NRK: variants seen among roughly 807,000 people sequenced by gnomAD.
NRK encodes Nik related kinase.
A neutral mutation model predicts 125.2 loss-of-function variants in NRK; 67 were observed. That is an observed-to-expected ratio of 0.54 (90% confidence interval 0.44 to 0.66). The LOEUF is 0.66. Ranked by LOEUF, NRK falls within the 30% of genes least tolerant of loss-of-function variation. The pLI is 0.00. For synonymous variants in NRK, 458 were observed against 429.0 expected (o/e 1.07, Z -0.84); for missense variants, 1,224 against 1,192.9 (o/e 1.03, Z -0.38).
chrX:105,895,175 A>G (rs2040064625), intron 6 of NRK: 1 of 504,297 alleles, frequency 2.0e-6, no homozygotes, highest in Non-Finnish European at 3.5e-6. Context: ...CAATGTATAC[A>G]AACATTACTT....
rs2041005326 is a variant in NRK at position 105,958,504 on chromosome X, A to G, written c.*2904A>G. On this transcript the variant is annotated 3_prime_UTR_variant, in exon 29 of 29. Transcript: ENST00000243300. ...TGTTCCAAGAAATGTGCCTACTGAA[A>G]TCAAATTAATTTGTATTCAATGTGT... 1 of 112,369 alleles carries G rather than the reference A, an allele frequency of 8.9e-6. No individual in the cohort carries two copies. The highest frequency in any genetic ancestry group is 9.4e-5 in the Admixed American group (1 of 10,613). The allele number at this position is 112,369 out of a possible 1,213,427, so 9.3% of individuals were successfully genotyped here. A position where few individuals can be genotyped will look rare whatever the true frequency, so the allele number is the denominator to read the frequency against.
intron 14 of NRK, among the ~76,000 whole-genome samples, chrX:105,914,047 G>A (rs1317507314): frequency 9.1e-6 from 1 of 110,325 alleles, no homozygotes; most frequent in Non-Finnish European, 1.9e-5. Context: ...CAATCTTTTT[G>A]TAGATTGTTT....
At chrX:105,843,800 A>G (rs977602889) in intron 2 of NRK, among the ~76,000 whole-genome samples, 5 of 111,022 alleles carry the variant, frequency 4.5e-5, no homozygotes, top group Non-Finnish European at 9.4e-5. Flanking sequence ...AAAAACACAT[A>G]TAAATAAGAG....
intron 2 of NRK, among the ~76,000 whole-genome samples, chrX:105,858,358 C>CA (rs766595896): frequency 5.0e-5 from 5 of 100,852 alleles, no homozygotes; most frequent in African/African-American, 1.9e-4. Context: ...TAAACCTGAC[C>CA]AAAAAAAATG....
At chrX:105,885,302 A>T (rs1178588411) in intron 4 of NRK, among the ~76,000 whole-genome samples, 1 of 111,914 alleles carries the variant, frequency 8.9e-6, no homozygotes, top group Non-Finnish European at 1.9e-5. Context: ...GTCATCTCAC[A>T]TCACCTTCAA....
At chrX:105,925,299 T>A (rs1176247944) in intron 19 of NRK, among the ~76,000 whole-genome samples, 4 of 111,381 alleles carry the variant, frequency 3.6e-5, no homozygotes, top group Non-Finnish European at 5.7e-5. Context: ...ACACACTTTT[T>A]AAAAATATTT....
At chrX:105,826,291 TA>T (rs59015234) in intron 1 of NRK, among the ~76,000 whole-genome samples, 27,149 of 83,813 alleles carry the variant, frequency 0.32, 4,788 homozygotes, top group African/African-American at 0.63. Context: ...AAATATATAT[TA>T]TCATATATAT....
At chrX:105,843,977 C>CTGTGTGTGTGTG (rs751188822) in intron 2 of NRK, among the ~76,000 whole-genome samples, 10 of 87,378 alleles carry the variant, frequency 1.1e-4, no homozygotes, top group African/African-American at 4.1e-4. Flanking sequence ...GTCCTGCACT[C>CTGTGTGTGTGTG]TGTGTGTGTG....
intron 2 of NRK, among the ~76,000 whole-genome samples, chrX:105,860,394 T>A (rs1356018468): frequency 1.8e-5 from 2 of 111,408 alleles, no homozygotes; most frequent in Non-Finnish European, 3.8e-5. Context: ...TATTTTCATT[T>A]AAAAATAACA....
At chrX:105,867,304 C>G in intron 2 of NRK, among the ~76,000 whole-genome samples, 1 of 111,218 alleles carries the variant, frequency 9.0e-6, no homozygotes, top group East Asian at 2.8e-4. Flanking sequence ...AGTATCTTCT[C>G]TGGACTCTAT....
At position 105,880,283 on chromosome X, in the gene NRK, T is replaced by C. The variant is rs60833974; in HGVS notation, c.180+28T>C. 0.028 allele frequency: 21,276 copies of C among 754,386 alleles called. 3,028 individuals are homozygous for C. In the African/African-American group the frequency reaches 0.4, roughly 14 times the overall value. 62.2% of individuals were successfully genotyped at this position (754,386 alleles called of 1,213,427 possible). A position where few individuals can be genotyped will look rare whatever the true frequency, so the allele number is the denominator to read the frequency against. On this transcript the variant is annotated intron_variant, in intron 3 of 28. Transcript: ENST00000243300. ...AATATTATAAATTGCCTGTATTCTC[T>C]TCCCTTAGTGGACTGTGTTCCTGGG... is the stretch of plus-strand genomic sequence containing the variant.
At chrX:105,877,420 T>C (rs752055691) in intron 2 of NRK, among the ~76,000 whole-genome samples, 1 of 111,633 alleles carries the variant, frequency 9.0e-6, no homozygotes, top group South Asian at 3.7e-4. Context: ...AAGAGTATTA[T>C]ACCAATATTA....
Position 105,958,305 on chromosome X carries a change from C to A in NRK, c.*2705C>A, listed in dbSNP as rs1477982974. The A allele has an allele frequency of 6.2e-5, 7 of 112,142 alleles. No homozygotes were observed. The highest frequency in any genetic ancestry group is 1.3e-4 in the Non-Finnish European group (7 of 53,225). The allele number at this position is 112,142 out of a possible 1,213,427, so 9.2% of individuals were successfully genotyped here. On this transcript the variant is annotated 3_prime_UTR_variant, in exon 29 of 29. Coordinates refer to ENST00000243300, the MANE Select transcript of NRK (RefSeq NM_198465.4). The stretch of plus-strand genomic sequence containing the variant: ...CAAAGCAGAATCACATGTGCACACA[C>A]ACATACACATGTAAACATTGGAATG...
intron 2 of NRK, among the ~76,000 whole-genome samples, chrX:105,854,296 T>C (rs2039507369): frequency 8.9e-6 from 1 of 111,966 alleles, no homozygotes; most frequent in Non-Finnish European, 1.9e-5. Context: ...TCCAGCCAAC[T>C]TGGTCAATTT....
At chrX:105,862,498 A>G (rs750167263) in intron 2 of NRK, among the ~76,000 whole-genome samples, 3 of 111,977 alleles carry the variant, frequency 2.7e-5, no homozygotes, top group Non-Finnish European at 3.8e-5. Flanking sequence ...TAAAAATAAT[A>G]GGAAAGTCAT....
chrX:105,946,567 C>A, intron 26 of NRK, 103 bp downstream of exon 26: 1 of 601,517 alleles, frequency 1.7e-6, no homozygotes, highest in Non-Finnish European at 2.6e-6. Flanking sequence ...TTAGTAATGT[C>A]TATACCGGAA....
chrX:105,935,576 C>T (rs375192577), intron 21 of NRK, among the ~76,000 whole-genome samples: 16 of 108,181 alleles, frequency 1.5e-4, no homozygotes, highest in Middle Eastern at 4.3e-3. Context: ...AGGTGGATCA[C>T]GAGGTCAGGA....
At chrX:105,935,058 A>G (rs762028032) in intron 20 of NRK, 112 bp from the exon 21 acceptor site, 2 of 558,020 alleles carry the variant, frequency 3.6e-6, no homozygotes, top group South Asian at 3.0e-5. Context: ...TTTAAAAAAA[A>G]TTTTTCTATA....
At position 105,934,295 on chromosome X, in the gene NRK, A is replaced by T; in HGVS notation, c.3350A>T (p.Asp1117Val). The T allele has an allele frequency of 8.5e-7, 1 of 1,179,224 alleles. No homozygotes were observed. Among genetic ancestry groups the T allele is most frequent in the Non-Finnish European group, 1.1e-6 (1 of 879,064 alleles). ...GGGNEASNAI[D>V]SGAAPSAPDH... ...GGAAATGAGGCCTCAAATGCCATTG[A>T]CTCAGGTGCTGCACCGTCAGCACCT... Residue 1117 changes from aspartate to valine, a missense_variant, in exon 20 of 29, where the codon GAC becomes GTC. Coordinates refer to ENST00000243300, the MANE Select transcript of NRK (RefSeq NM_198465.4).
Sources: gnomAD v4.1 joint callset for allele counts (sites outside exome capture counted in the v4.1 genomes callset) on GRCh38, gnomAD v4.1.1 for gene constraint, MANE v1.5 for transcripts, NCBI Gene and HGNC (gene_info 2026-07-23, HGNC 2026-07-21) for gene names.